Variants in XKR6 observed in about 807,000 individuals in gnomAD.
The protein encoded by XKR6 is XK-related protein 6.
In XKR6, 22 loss-of-function variants were observed where a neutral mutation model predicts 56.7. The ratio of observed to expected loss-of-function variants is 0.39; its 90% CI spans 0.28 to 0.55. The LOEUF (loss-of-function observed/expected upper bound fraction) is 0.55. Ranked by LOEUF, XKR6 falls within the 20% of genes least tolerant of loss-of-function variation. The pLI, the probability that XKR6 is intolerant of heterozygous loss-of-function variation, is 0.66. For synonymous variants in XKR6, 524 were observed against 387.8 expected (o/e 1.35, Z -4.13); for missense variants, 852 against 889.0 (o/e 0.96, Z 0.53).
intron 2 of XKR6, among the ~76,000 whole-genome samples, chr8:10,910,967 G>T (rs1424205080): frequency 6.6e-6 from 1 of 152,120 alleles, no homozygotes; most frequent in African/African-American, 2.4e-5. Context: ...TCTCATTGAG[G>T]AGCAACAGCC....
At chr8:11,097,635 C>T (rs558454671) in intron 1 of XKR6, among the ~76,000 whole-genome samples, 2 of 151,670 alleles carry the variant, frequency 1.3e-5, no homozygotes, top group African/African-American at 4.8e-5. Flanking sequence ...TGGTGAAACC[C>T]CATCTCTACT....
chr8:10,920,230 C>T (rs1162068221), intron 2 of XKR6, among the ~76,000 whole-genome samples: 1 of 152,110 alleles, frequency 6.6e-6, no homozygotes, highest in Admixed American at 6.5e-5. Context: ...ACCAGTAAAG[C>T]CTGAAGGCGA....
chr8:11,053,031 G>T (rs1296386780), intron 1 of XKR6, among the ~76,000 whole-genome samples: 2 of 152,172 alleles, frequency 1.3e-5, no homozygotes, highest in Admixed American at 6.5e-5. Flanking sequence ...GCCTAGGTGG[G>T]AGGGGCTGAA....
intron 1 of XKR6, among the ~76,000 whole-genome samples, chr8:11,011,928 A>G (rs933957120): frequency 6.6e-6 from 1 of 152,208 alleles, no homozygotes; most frequent in African/African-American, 2.4e-5. Flanking sequence ...ACCTGCTGGA[A>G]GCCACAAGCT....
At chr8:10,953,211 T>C (rs1212637464) in intron 1 of XKR6, among the ~76,000 whole-genome samples, 1 of 152,124 alleles carries the variant, frequency 6.6e-6, no homozygotes, top group Admixed American at 6.5e-5. Flanking sequence ...TGTGGAAAAA[T>C]TATCTTCCAT....
intron 1 of XKR6, among the ~76,000 whole-genome samples, chr8:11,030,024 C>T (rs946961386): frequency 1.3e-5 from 2 of 152,164 alleles, no homozygotes; most frequent in African/African-American, 4.8e-5. Context: ...CACTCCACAA[C>T]CCGCTATGGC....
rs145163974 is a variant in XKR6, at chr8:11,129,077, A to C, written c.764+71499T>G. ...TCAATTCAATGACTCAGATGCATCC[A>C]TGTAATCAAGAGCCCAATCAAGAAA... is the stretch of plus-strand genomic sequence containing the variant. On this transcript the variant is annotated intron_variant, in intron 1 of 2. Transcript: ENST00000416569. 158 of 410,226 alleles carry C rather than the reference A, an allele frequency of 3.9e-4. 1 individual carries two copies. The highest frequency in any genetic ancestry group is 2.8e-3 in the African/African-American group (137 of 48,206). 25.4% of individuals were successfully genotyped at this position (410,226 alleles called of 1,614,324 possible). A position where few individuals can be genotyped will look rare whatever the true frequency, so the allele number is the denominator to read the frequency against.
rs561269028 is a variant in XKR6, at chr8:11,090,969, T to C, written c.764+109607A>G. Among the ~76,000 whole-genome samples, 11 of 152,256 alleles carry C rather than the reference T, an allele frequency of 7.2e-5. 1 individual carries two copies. Among genetic ancestry groups the C allele is most frequent in the African/African-American group, 1.9e-4 (8 of 41,534 alleles). On this transcript the variant is annotated intron_variant, in intron 1 of 2. Coordinates refer to ENST00000416569, the MANE Select transcript of XKR6 (RefSeq NM_173683.4). Reference sequence around the variant, plus strand: ...GTGTGCTACGTTAACCCAGCTGTAATGGAAAAGAGGCACAACTCGAGCCCA... The same window carrying C: ...GTGTGCTACGTTAACCCAGCTGTAACGGAAAAGAGGCACAACTCGAGCCCA...
In XKR6 at chr8:11,186,718, T is replaced by C. The variant is rs540790591; in HGVS notation, c.764+13858A>G. Among the ~76,000 whole-genome samples, 5 of 152,324 alleles carry C rather than the reference T, an allele frequency of 3.3e-5. No individual in the cohort carries two copies. In the South Asian group the frequency reaches 6.2e-4, roughly 19 times the overall value. ...TTAAGAAACAGTTATACTTTCTCTATACTTTCTTTCCTTTCTCTGACTGAA... is the reference window on the plus strand; with the variant it reads ...TTAAGAAACAGTTATACTTTCTCTACACTTTCTTTCCTTTCTCTGACTGAA... On this transcript the variant is annotated intron_variant, in intron 1 of 2. Transcript: ENST00000416569.
chr8:10,960,398 C>T (rs1802027648), intron 1 of XKR6, among the ~76,000 whole-genome samples: 1 of 152,200 alleles, frequency 6.6e-6, no homozygotes, highest in African/African-American at 2.4e-5. Flanking sequence ...ATGACTGCCC[C>T]AGTCTCCTGG....
intron 1 of XKR6, among the ~76,000 whole-genome samples, chr8:11,059,957 C>T (rs995515159): frequency 2.6e-5 from 4 of 152,214 alleles, no homozygotes; most frequent in Non-Finnish European, 5.9e-5. Flanking sequence ...TCCAATAGCT[C>T]GCCCAACTCA....
intron 1 of XKR6, among the ~76,000 whole-genome samples, chr8:11,047,390 C>T (rs971595162): frequency 6.6e-6 from 1 of 152,166 alleles, no homozygotes; most frequent in Non-Finnish European, 1.5e-5. Context: ...TCAGGGATAC[C>T]ATGTGGCTTT....
At chr8:10,917,702 G>A (rs1290504404) in intron 2 of XKR6, among the ~76,000 whole-genome samples, 1 of 152,118 alleles carries the variant, frequency 6.6e-6, no homozygotes, top group African/African-American at 2.4e-5. Flanking sequence ...GGGGTGCCCT[G>A]ATTTTTCAGG....
intron 1 of XKR6, among the ~76,000 whole-genome samples, chr8:11,112,090 C>G (rs1798923472): frequency 6.6e-6 from 1 of 152,102 alleles, no homozygotes; most frequent in Non-Finnish European, 1.5e-5. Flanking sequence ...AAATATTACA[C>G]AATACTCATC....
At chr8:11,178,337 A>T (rs1017929770) in intron 1 of XKR6, among the ~76,000 whole-genome samples, 27 of 151,978 alleles carry the variant, frequency 1.8e-4, no homozygotes, top group African/African-American at 6.5e-4. Context: ...GCCAAAAAAC[A>T]TAAGGTATTA....
At chr8:11,057,041 C>G (rs1230088000) in intron 1 of XKR6, among the ~76,000 whole-genome samples, 1 of 152,212 alleles carries the variant, frequency 6.6e-6, no homozygotes, top group African/African-American at 2.4e-5. Context: ...AAGGTGCAGC[C>G]ATGTCACCAT....
At chr8:11,121,194 G>T (rs923473755) in intron 1 of XKR6, among the ~76,000 whole-genome samples, 1 of 152,076 alleles carries the variant, frequency 6.6e-6, no homozygotes, top group Non-Finnish European at 1.5e-5. Flanking sequence ...AATGGGATCT[G>T]TTTAAACTAA....
intron 1 of XKR6, among the ~76,000 whole-genome samples, chr8:11,006,575 A>G (rs1255112425): frequency 6.6e-6 from 1 of 152,234 alleles, no homozygotes; most frequent in Non-Finnish European, 1.5e-5. Context: ...GTGGGTACAC[A>G]CAGAGTGAAG....
At chr8:11,171,950 G>T (rs1802393942) in intron 1 of XKR6, among the ~76,000 whole-genome samples, 1 of 152,048 alleles carries the variant, frequency 6.6e-6, no homozygotes, top group Non-Finnish European at 1.5e-5. Context: ...CTACTCAGGA[G>T]GCTGAAGCAA....
Sources: gnomAD v4.1 joint callset for allele counts (sites outside exome capture counted in the v4.1 genomes callset) on GRCh38, gnomAD v4.1.1 for gene constraint, MANE v1.5 for transcripts, NCBI Gene and HGNC (gene_info 2026-07-23, HGNC 2026-07-21) for gene names.